The following ADCYAP1 variants were observed in gnomAD, a reference collection of about 807,000 sequenced individuals.
ADCYAP1 encodes pituitary adenylate cyclase-activating polypeptide.
In ADCYAP1, 6 loss-of-function variants were observed where a neutral mutation model predicts 18.5. The ratio of observed to expected loss-of-function variants is 0.32; its 90% CI spans 0.18 to 0.64. The LOEUF (loss-of-function observed/expected upper bound fraction) is 0.64. Among genes scored for constraint, ADCYAP1 ranks in the 30% least tolerant of loss-of-function variants. The pLI is 0.77. For missense variants in ADCYAP1, 314 were observed against 253.6 expected, an observed-to-expected ratio of 1.24 and a Z score of -1.62; for synonymous variants, 136 against 113.9, an observed-to-expected ratio of 1.19 and a Z score of -1.24.
At chr18:907,579 C>T in intron 2 of ADCYAP1, 80 bp from the exon 3 acceptor site, 1 of 1,434,516 alleles carries the variant, frequency 7.0e-7, no homozygotes, top group Non-Finnish European at 9.3e-7. Context: ...AAAATCCGCG[C>T]GAGCCCCTTA....
intron 3 of ADCYAP1, 104 bp downstream of exon 3, chr18:907,894 G>A (rs1220312813): frequency 7.4e-7 from 1 of 1,349,374 alleles, no homozygotes; most frequent in Non-Finnish European, 9.5e-7. Context: ...TTTTTTTCCC[G>A]TGAAAGTCCT....
intron 2 of ADCYAP1, 35 bp downstream of exon 2, chr18:905,531 G>A (rs907671106): frequency 5.0e-6 from 8 of 1,600,210 alleles, no homozygotes; most frequent in Admixed American, 1.7e-5. Context: ...GCAGGAGCTG[G>A]GGCTTCCCAG....
chr18:907,842 G>A, intron 3 of ADCYAP1, 52 bp downstream of exon 3: 1 of 1,415,228 alleles, frequency 7.1e-7, no homozygotes, highest in Non-Finnish European at 9.1e-7. Flanking sequence ...TCGGGACTGC[G>A]GTGACGGGAG....
chr18:909,434 C>G lies in ADCYAP1; in HGVS notation c.342-12C>G. ...CGCCCCGCCACCCTCTTCCCGACCCCTTTGCTTGCAGTGGGAGCCTCGGCG... is the reference window on the plus strand; with the variant it reads ...CGCCCCGCCACCCTCTTCCCGACCCGTTTGCTTGCAGTGGGAGCCTCGGCG... On this transcript the variant is annotated splice_polypyrimidine_tract_variant and intron_variant, in intron 4 of 4. Transcript: ENST00000450565. The G allele has an allele frequency of 1.2e-6, 2 of 1,609,044 alleles. No homozygotes were observed. Among genetic ancestry groups the G allele is most frequent in the Non-Finnish European group, 1.7e-6 (2 of 1,178,020 alleles).
chr18:906,950 C>G (rs1165378260), intron 2 of ADCYAP1, among the ~76,000 whole-genome samples: 4 of 152,226 alleles, frequency 2.6e-5, no homozygotes, highest in Non-Finnish European at 5.9e-5. Flanking sequence ...TGGTTTCACC[C>G]TCAGCTATTT....
Position 909,689 on chromosome 18 carries a change from T to G in ADCYAP1, c.*54T>G. The G allele has an allele frequency of 6.5e-7, 1 of 1,534,584 alleles. No individual in the cohort carries two copies. Among genetic ancestry groups the G allele is most frequent in the East Asian group, 2.3e-5 (1 of 43,576 alleles). On this transcript the variant is annotated 3_prime_UTR_variant, in exon 5 of 5. Transcript: ENST00000450565. Reference sequence around the variant, plus strand: ...CAGCCCTGACGCAATGAAAAGTCGTTTTCCAAACTGACTCAACAGTCATCG... The same window carrying G: ...CAGCCCTGACGCAATGAAAAGTCGTGTTCCAAACTGACTCAACAGTCATCG...
In ADCYAP1 at chr18:907,756, G is replaced by T. The variant is rs1463848995; in HGVS notation, c.208G>T (p.Ala70Ser). The T allele has an allele frequency of 2.0e-6, 3 of 1,494,756 alleles. No homozygotes were observed. Among genetic ancestry groups the T allele is most frequent in the East Asian group, 5.3e-5 (2 of 37,888 alleles). 92.6% of individuals were successfully genotyped at this position (1,494,756 alleles called of 1,614,324 possible). A position where few individuals can be genotyped will look rare whatever the true frequency, so the allele number is the denominator to read the frequency against. Residue 70 changes from alanine (A) to serine (S), a missense_variant, in exon 3 of 5, where the codon GCC becomes TCC. By Grantham distance (99) the Ala-to-Ser change is moderately conservative. Transcript: ENST00000450565. ...GAGSPASAPRAAAAWYRPAGR... is the reference protein window; with the variant it reads ...GAGSPASAPRSAAAWYRPAGR... ...AGGGAGCCCCGCCTCCGCGCCGCGCGCCGCCGCCGCCTGGTACCGCCCGGC... is the reference window on the plus strand; with the variant it reads ...AGGGAGCCCCGCCTCCGCGCCGCGCTCCGCCGCCGCCTGGTACCGCCCGGC...
Position 907,726 on chromosome 18 carries a change from G to A in ADCYAP1, c.178G>A (p.Gly60Ser), listed in dbSNP as rs1309701316. Residue 60 changes from glycine (G) to serine (S), a missense_variant, in exon 3 of 5, where the codon GGC (glycine) becomes AGC (serine). Coordinates refer to ENST00000450565, the MANE Select transcript of ADCYAP1 (RefSeq NM_001099733.2). ...LPDFDGSEPPGAGSPASAPRA... is the reference protein window; with the variant it reads ...LPDFDGSEPPSAGSPASAPRA... The stretch of plus-strand genomic sequence containing the variant: ...AGACTTCGATGGCTCGGAGCCGCCG[G>A]GCGCAGGGAGCCCCGCCTCCGCGCC... 2.6e-6 allele frequency: 4 copies of A among 1,531,662 alleles called. No individual in the cohort carries two copies. In the South Asian group the frequency reaches 3.6e-5, roughly 14 times the overall value. The allele number at this position is 1,531,662 out of a possible 1,614,324, so 94.9% of individuals were successfully genotyped here.
chr18:905,918 G>A, intron 2 of ADCYAP1: 1 of 211,382 alleles, frequency 4.7e-6, no homozygotes. Flanking sequence ...CTTTGTTACT[G>A]CTTGTTCTGG....
upstream of ADCYAP1, chr18:904,747 G>A (rs934317393): frequency 1.4e-5 from 18 of 1,252,794 alleles, no homozygotes; most frequent in African/African-American, 2.2e-4. Context: ...TGGACTTACG[G>A]CCACCTTGCT....
intron 4 of ADCYAP1, 111 bp downstream of exon 4, chr18:908,474 C>T (rs189295968): frequency 2.4e-6 from 2 of 845,044 alleles, no homozygotes; most frequent in East Asian, 5.6e-5. Flanking sequence ...GTCTGCGCCC[C>T]TGGGTCTGGG....
chr18:911,899 C>G lies in ADCYAP1; in HGVS notation c.*2264C>G, dbSNP rs538328852. On this transcript the variant is annotated 3_prime_UTR_variant, in exon 5 of 5. Transcript: ENST00000450565. ...TTTATGAAGTCTAATTTAGTGTTCC[C>G]GTGGCTAGTTGCAAGCATTTTACAG... 1.3e-5 allele frequency: 2 copies of G among 152,094 alleles called. No individual in the cohort carries two copies. The highest frequency in any genetic ancestry group is 2.1e-4 in the South Asian group (1 of 4,804). 9.4% of individuals were successfully genotyped at this position (152,094 alleles called of 1,614,324 possible).
intron 2 of ADCYAP1, 141 bp downstream of exon 2, chr18:905,637 G>T: frequency 1.9e-6 from 2 of 1,029,012 alleles, no homozygotes; most frequent in Non-Finnish European, 2.8e-6. Flanking sequence ...CGCCAGCCTC[G>T]GCTGGACAGC....
Position 909,686 on chromosome 18 carries a change from C to A in ADCYAP1, c.*51C>A. On this transcript the variant is annotated 3_prime_UTR_variant, in exon 5 of 5. Coordinates refer to ENST00000450565, the MANE Select transcript of ADCYAP1 (RefSeq NM_001099733.2). ...ATACAGCCCTGACGCAATGAAAAGT[C>A]GTTTTCCAAACTGACTCAACAGTCA... 2.6e-6 allele frequency: 4 copies of A among 1,543,490 alleles called. No individual in the cohort carries two copies. In the South Asian group the frequency reaches 4.8e-5, roughly 19 times the overall value.
chr18:908,240 GGCGCGCACTTT>G lies in ADCYAP1; in HGVS notation c.243-22_243-12del, dbSNP rs759573329. 1 of 1,597,090 alleles carries G rather than the reference GGCGCGCACTTT, an allele frequency of 6.3e-7. No homozygotes were observed. Among genetic ancestry groups the G allele is most frequent in the South Asian group, 1.1e-5 (1 of 89,412 alleles). ...CCTGGGGACAGAAACAGTGACCCTGGGCGCGCACTTTGCCTCCCCGTTAGAGATGTCGCCCA... is the reference window on the plus strand; with the variant it reads ...CCTGGGGACAGAAACAGTGACCCTGGGCCTCCCCGTTAGAGATGTCGCCCA... On this transcript the variant is annotated splice_polypyrimidine_tract_variant and intron_variant, in intron 3 of 4. Coordinates refer to ENST00000450565, the MANE Select transcript of ADCYAP1 (RefSeq NM_001099733.2).
upstream of ADCYAP1, chr18:904,836 C>T: frequency 1.6e-6 from 2 of 1,286,132 alleles, no homozygotes; most frequent in Non-Finnish European, 2.0e-6. Flanking sequence ...GTGTCACGCT[C>T]CCTCCTGGTT....
At chr18:907,550 A>C in intron 2 of ADCYAP1, 109 bp from the exon 3 acceptor site, 3 of 1,159,508 alleles carry the variant, frequency 2.6e-6, no homozygotes, top group Non-Finnish European at 3.6e-6. Flanking sequence ...TTCTCAGCGG[A>C]GGACTTTTAT....
Position 909,735 on chromosome 18 carries a change from A to T in ADCYAP1, c.*100A>T. On this transcript the variant is annotated 3_prime_UTR_variant, in exon 5 of 5. Coordinates refer to ENST00000450565, the MANE Select transcript of ADCYAP1 (RefSeq NM_001099733.2). ...CATCGCTCGTGTGTTCTATCCAAACATGTATTTATGTAATGAAGTAAAGCC... is the reference window on the plus strand; with the variant it reads ...CATCGCTCGTGTGTTCTATCCAAACTTGTATTTATGTAATGAAGTAAAGCC... 7.9e-6 allele frequency: 8 copies of T among 1,013,548 alleles called. No individual in the cohort carries two copies. The highest frequency in any genetic ancestry group is 1.1e-5 in the Non-Finnish European group (8 of 706,186). 62.8% of individuals were successfully genotyped at this position (1,013,548 alleles called of 1,614,324 possible).
chr18:904,876 A>T lies in ADCYAP1; in HGVS notation c.-186A>T. 1.6e-6 allele frequency: 2 copies of T among 1,287,954 alleles called. No homozygotes were observed. Among genetic ancestry groups the T allele is most frequent in the Non-Finnish European group, 2.0e-6 (2 of 987,694 alleles). The allele number at this position is 1,287,954 out of a possible 1,614,324, so 79.8% of individuals were successfully genotyped here. On this transcript the variant is annotated 5_prime_UTR_variant, in exon 1 of 5. Transcript: ENST00000450565. ...GCGTCTACAAACTTTTGAGCAGAAC[A>T]CGAGCCTCGGCAAACGAGTCCCGCA...
Sources: allele counts gnomAD v4.1 joint callset (sites outside exome capture counted in the v4.1 genomes callset), GRCh38; gene constraint gnomAD v4.1.1; transcripts MANE v1.5; gene names NCBI Gene and HGNC (gene_info 2026-07-23, HGNC 2026-07-21).